FGF13: variants seen among roughly 807,000 people sequenced by gnomAD.
FGF13 encodes the protein fibroblast growth factor 13.
Under a neutral mutation model 19.5 loss-of-function variants are expected in FGF13, and 2 were observed. The ratio of observed to expected loss-of-function variants is 0.10; its 90% CI spans 0.04 to 0.32. The LOEUF is 0.32. Ranked by LOEUF, FGF13 falls within the 10% of genes least tolerant of loss-of-function variation. FGF13 has a pLI of 1.00. For missense variants in FGF13, 113 were observed against 192.7 expected (o/e 0.59, Z 2.45); for synonymous variants, 72 against 76.9 (o/e 0.94, Z 0.33).
intron 1 of FGF13, among the ~76,000 whole-genome samples, chrX:139,196,188 G>A (rs1456689245): frequency 8.9e-6 from 1 of 112,146 alleles, no homozygotes; most frequent in African/African-American, 3.2e-5. Context: ...AAATAAACAA[G>A]TGGAGTTTTT....
chrX:138,948,821 G>A (rs888575099), intron 1 of FGF13, among the ~76,000 whole-genome samples: 1 of 111,649 alleles, frequency 9.0e-6, no homozygotes, highest in Non-Finnish European at 1.9e-5. Flanking sequence ...TTGTTTTATT[G>A]TGTACAAAGC....
At chrX:138,711,843 G>A (rs1303267988), upstream of FGF13, among the ~76,000 whole-genome samples, 6 of 59,515 alleles carry the variant, frequency 1.0e-4, no homozygotes, top group African/African-American at 4.1e-4. Flanking sequence ...CCGGCCGCCC[G>A]TTCCGGCTAA....
At chrX:138,844,076 C>T (rs2091166458) in intron 3 of FGF13, among the ~76,000 whole-genome samples, 1 of 112,085 alleles carries the variant, frequency 8.9e-6, no homozygotes, top group Non-Finnish European at 1.9e-5. Flanking sequence ...CACTGCTAGA[C>T]AAGGAATCAA....
Position 138,711,281 on chromosome X carries a change from CTG to C in FGF13, c.-280_-279del, listed in dbSNP as rs2090044167. 1 of 962,342 alleles carries C rather than the reference CTG, an allele frequency of 1.0e-6. No individual in the cohort carries two copies. The highest frequency in any genetic ancestry group is 2.0e-5 in the African/African-American group (1 of 48,904). 79.3% of individuals were successfully genotyped at this position (962,342 alleles called of 1,213,427 possible). A position where few individuals can be genotyped will look rare whatever the true frequency, so the allele number is the denominator to read the frequency against. On this transcript the variant is annotated 5_prime_UTR_variant, in exon 1 of 5. An upstream open reading frame in the 5' UTR loses its in-frame stop. Coordinates refer to ENST00000315930, the MANE Select transcript of FGF13 (RefSeq NM_004114.5). ...CCCGGGCCCGGGATCGCGGGCGAGA[CTG>C]GCACGCGGATGCTGAACTGCGCGAC... is the stretch of plus-strand genomic sequence containing the variant.
At chrX:139,077,481 G>T (rs929362139) in intron 1 of FGF13, among the ~76,000 whole-genome samples, 2 of 111,302 alleles carry the variant, frequency 1.8e-5, no homozygotes, top group African/African-American at 6.5e-5. Flanking sequence ...TTAGGGTTAG[G>T]GACAATGATT....
chrX:138,711,608 G>C lies in FGF13; in HGVS notation c.-605C>G. ...TTGGCCCGTGCCAGGTTTCCGACAGGGATCAAACAGGTAATGGCCTCGCAT... is the reference window on the plus strand; with the variant it reads ...TTGGCCCGTGCCAGGTTTCCGACAGCGATCAAACAGGTAATGGCCTCGCAT... On this transcript the variant is annotated 5_prime_UTR_variant, in exon 1 of 5. Coordinates refer to ENST00000315930, the MANE Select transcript of FGF13 (RefSeq NM_004114.5). 1 of 754,942 alleles carries C rather than the reference G, an allele frequency of 1.3e-6. No homozygotes were observed. The highest frequency in any genetic ancestry group is 1.6e-6 in the Non-Finnish European group (1 of 639,119). The allele number at this position is 754,942 out of a possible 1,213,427, so 62.2% of individuals were successfully genotyped here.
At chrX:138,740,471 C>T (rs374962661), upstream of FGF13, among the ~76,000 whole-genome samples, 3 of 112,028 alleles carry the variant, frequency 2.7e-5, no homozygotes, top group African/African-American at 9.7e-5. Context: ...TCCACTTTTC[C>T]ATCCAACACT....
intron 1 of FGF13, among the ~76,000 whole-genome samples, chrX:138,957,821 T>A (rs1354359111): frequency 9.0e-6 from 1 of 111,206 alleles, no homozygotes; most frequent in East Asian, 2.8e-4. Flanking sequence ...CTCTGTCTGT[T>A]ATAAGAATGC....
chrX:138,885,708 C>T (rs754550696), intron 1 of FGF13, among the ~76,000 whole-genome samples: 2 of 108,154 alleles, frequency 1.8e-5, no homozygotes, highest in East Asian at 2.9e-4. Context: ...TAACCCCCCC[C>T]GCCAATACTA....
At chrX:139,199,312 T>C (rs7887392) in intron 1 of FGF13, among the ~76,000 whole-genome samples, 6,234 of 108,115 alleles carry the variant, frequency 0.058, 344 homozygotes, top group African/African-American at 0.19. Context: ...TTTTCCCCCC[T>C]CCTTCAATTG....
At chrX:138,732,810 C>T (rs1231328304) in intron 1 of FGF13, among the ~76,000 whole-genome samples, 1 of 110,927 alleles carries the variant, frequency 9.0e-6, no homozygotes, top group Non-Finnish European at 1.9e-5. Flanking sequence ...GAGGGGACGA[C>T]AACAATGAAG....
intron 1 of FGF13, among the ~76,000 whole-genome samples, chrX:139,069,719 G>A (rs2092370382): frequency 8.9e-6 from 1 of 111,993 alleles, no homozygotes; most frequent in Admixed American, 9.4e-5. Context: ...CACGCTACGT[G>A]ACTTCACACT....
At chrX:139,176,469 T>G (rs1729120353) in intron 1 of FGF13, among the ~76,000 whole-genome samples, 1 of 108,962 alleles carries the variant, frequency 9.2e-6, no homozygotes, top group Non-Finnish European at 1.9e-5. Context: ...CTTTTGAATT[T>G]GTTTGCTCTT....
intron 1 of FGF13, among the ~76,000 whole-genome samples, chrX:138,944,751 G>C (rs986719633): frequency 9.0e-6 from 1 of 111,222 alleles, no homozygotes; most frequent in African/African-American, 3.3e-5. Flanking sequence ...CTAATTTCAG[G>C]CTGAAAGATT....
chrX:139,159,306 C>A lies in FGF13; in HGVS notation c.-113+44110G>T, dbSNP rs771821624. Among the ~76,000 whole-genome samples the A allele has an allele frequency of 2.7e-5, 3 of 111,923 alleles. 1 individual carries two copies. The highest frequency in any genetic ancestry group is 8.5e-3 in the Middle Eastern group (2 of 236). On this transcript the variant is annotated intron_variant, in intron 1 of 2. Coordinates refer to the FGF13 transcript ENST00000421460. ...GAGATTTTGTCACCAGCAGGTCTGC[C>A]TTACAAGAGTTCCTGAAGGAAGCAC...
chrX:138,939,667 G>A (rs917322352), intron 1 of FGF13, among the ~76,000 whole-genome samples: 9 of 111,557 alleles, frequency 8.1e-5, no homozygotes, highest in Admixed American at 2.9e-4. Flanking sequence ...GAGAACATAC[G>A]TTATTATTTT....
At chrX:138,906,037 C>G (rs1025434906) in intron 1 of FGF13, among the ~76,000 whole-genome samples, 1 of 111,177 alleles carries the variant, frequency 9.0e-6, no homozygotes, top group African/African-American at 3.3e-5. Context: ...AAGAGTTTTA[C>G]AGGGCCAGGT....
At chrX:138,687,360 C>G (rs994587294) in intron 3 of FGF13, among the ~76,000 whole-genome samples, 11 of 111,939 alleles carry the variant, frequency 9.8e-5, no homozygotes, top group African/African-American at 3.6e-4. Flanking sequence ...ATAGACATTT[C>G]TCAAAGGAAG....
chrX:138,898,127 G>T (rs2091513163), intron 1 of FGF13, among the ~76,000 whole-genome samples: 1 of 111,117 alleles, frequency 9.0e-6, no homozygotes, highest in African/African-American at 3.3e-5. Flanking sequence ...ATTTAAAAAT[G>T]CATCCTCTGA....
Sources: gnomAD v4.1 joint callset for allele counts (sites outside exome capture counted in the v4.1 genomes callset) on GRCh38, gnomAD v4.1.1 for gene constraint, MANE v1.5 for transcripts, NCBI Gene and HGNC (gene_info 2026-07-23, HGNC 2026-07-21) for gene names.